The following HNRNPAB variants were observed in gnomAD, a reference collection of about 807,000 sequenced individuals.
HNRNPAB encodes heterogeneous nuclear ribonucleoprotein A/B.
HNRNPAB carries 17 observed loss-of-function variants against 44.1 expected under a neutral mutation model. The ratio of observed to expected loss-of-function variants is 0.39; its 90% CI spans 0.26 to 0.58. The LOEUF (loss-of-function observed/expected upper bound fraction) is 0.58. Ranked by LOEUF, HNRNPAB falls within the 20% of genes least tolerant of loss-of-function variation. HNRNPAB has a pLI of 0.63. For synonymous variants in HNRNPAB, 183 were observed against 167.6 expected (o/e 1.09, Z -0.71); for missense variants, 393 against 432.7 (o/e 0.91, Z 0.81).
intron 1 of HNRNPAB, 32 bp from the exon 2 acceptor site, chr5:178,204,782 GC>G (rs1561659767): frequency 1.8e-6 from 2 of 1,135,150 alleles, no homozygotes; most frequent in East Asian, 7.2e-5. Context: ...CGGGAGCCGC[GC>G]CGGCCTGACG....
rs765862424 is a variant in HNRNPAB, at chr5:178,204,803, C to T, written c.-23-12C>T. The T allele has an allele frequency of 3.3e-5, 40 of 1,198,742 alleles. No individual in the cohort carries two copies. In the South Asian group the frequency reaches 1.1e-3, roughly 34 times the overall value. The allele number at this position is 1,198,742 out of a possible 1,614,324, so 74.3% of individuals were successfully genotyped here. A position where few individuals can be genotyped will look rare whatever the true frequency, so the allele number is the denominator to read the frequency against. On this transcript the variant is annotated splice_polypyrimidine_tract_variant and intron_variant, in intron 1 of 7. Transcript: ENST00000358344. Reference sequence around the variant, plus strand: ...CCGCGCCGGCCTGACGCGCTGTCGCCGCTGGTTGCAGGAGCCGCCGCGCCT... The same window carrying T: ...CCGCGCCGGCCTGACGCGCTGTCGCTGCTGGTTGCAGGAGCCGCCGCGCCT...
At chr5:178,206,053 T>C (rs1459825226) in intron 3 of HNRNPAB, 43 bp downstream of exon 3, 2 of 1,562,160 alleles carry the variant, frequency 1.3e-6, no homozygotes, top group Admixed American at 3.6e-5. Flanking sequence ...TGGAAACGAT[T>C]TGAATTCTAA....
chr5:178,206,370 T>C (rs1206784331), intron 3 of HNRNPAB, among the ~76,000 whole-genome samples: 1 of 152,070 alleles, frequency 6.6e-6, no homozygotes, highest in Non-Finnish European at 1.5e-5. Flanking sequence ...GGCTCAGAAA[T>C]GTAAGTAGAA....
rs1244398799 is a variant in HNRNPAB, at chr5:178,206,722, G to C, written c.379-10G>C. The stretch of plus-strand genomic sequence containing the variant: ...TGCTGAGTCAGCCTGACCCCTTTCT[G>C]TTGGAACAGGTCCTAGACCAGAAGG... On this transcript the variant is annotated splice_polypyrimidine_tract_variant and intron_variant, in intron 3 of 7. Transcript: ENST00000358344. The C allele has an allele frequency of 8.7e-6, 14 of 1,612,948 alleles. No individual in the cohort carries two copies. The highest frequency in any genetic ancestry group is 1.2e-5 in the Non-Finnish European group (14 of 1,179,832).
At chr5:178,209,198 C>T (rs1059367) in intron 5 of HNRNPAB, 132 bp from the exon 6 acceptor site, 65,015 of 769,288 alleles carry the variant, frequency 0.085, 3,363 homozygotes, top group East Asian at 0.16. Flanking sequence ...GGTGGCCTCC[C>T]ATACTAGCAT....
rs1369492425 is a variant in HNRNPAB, at chr5:178,206,741, CAGA to C, written c.391_393del (p.Lys131del). On this transcript the variant is annotated inframe_deletion, in exon 4 of 8. Transcript: ENST00000358344. ...CTTTCTGTTGGAACAGGTCCTAGAC[CAGA>C]AGGAGCACAGGCTGGATGGCCGTGT... The C allele has an allele frequency of 5.0e-6, 8 of 1,613,728 alleles. No homozygotes were observed. The highest frequency in any genetic ancestry group is 5.1e-6 in the Non-Finnish European group (6 of 1,179,990).
chr5:178,205,591 C>A, intron 2 of HNRNPAB: 1 of 450,160 alleles, frequency 2.2e-6, no homozygotes, highest in South Asian at 3.3e-5. Flanking sequence ...TGGTTAGGTC[C>A]CATACCCCTG....
At chr5:178,209,183 C>T in intron 5 of HNRNPAB, 147 bp from the exon 6 acceptor site, 5 of 709,900 alleles carry the variant, frequency 7.0e-6, no homozygotes, top group South Asian at 1.7e-5. Context: ...GAGCTTTAGC[C>T]CAAAGGTGGC....
intron 2 of HNRNPAB, 108 bp downstream of exon 2, chr5:178,205,154 G>C (rs1387464048): frequency 1.3e-6 from 1 of 786,864 alleles, no homozygotes; most frequent in African/African-American, 1.8e-5. Context: ...GGTCGGGGCT[G>C]GTGCGGCCCG....
intron 6 of HNRNPAB, 73 bp from the exon 7 acceptor site, chr5:178,210,059 C>A (rs527949228): frequency 1.9e-6 from 3 of 1,579,590 alleles, no homozygotes; most frequent in Admixed American, 1.9e-5. Flanking sequence ...CCCCAAAGGG[C>A]AGGATTTCCT....
chr5:178,210,104 G>A lies in HNRNPAB; in HGVS notation c.788-28G>A, dbSNP rs747544038. On this transcript the variant is annotated intron_variant, in intron 6 of 7. Coordinates refer to ENST00000358344, the MANE Select transcript of HNRNPAB (RefSeq NM_031266.3). ...CTCCTGCGTATGCTAAATGGTCCACGGGCCCCTGTGCCCTGCTCCCCCCAC... is the reference window on the plus strand; with the variant it reads ...CTCCTGCGTATGCTAAATGGTCCACAGGCCCCTGTGCCCTGCTCCCCCCAC... 4.3e-6 allele frequency: 7 copies of A among 1,611,472 alleles called. 1 individual carries two copies. Among genetic ancestry groups the A allele is most frequent in the South Asian group, 3.3e-5 (3 of 90,918 alleles).
At chr5:178,210,496 C>G (rs553267977) in intron 7 of HNRNPAB, 57 bp from the exon 8 acceptor site, 3 of 1,552,848 alleles carry the variant, frequency 1.9e-6, no homozygotes, top group African/African-American at 2.7e-5. Context: ...ATATCAAGCG[C>G]GTGGCACAGG....
intron 2 of HNRNPAB, 128 bp from the exon 3 acceptor site, chr5:178,205,714 C>T: frequency 3.7e-6 from 3 of 810,194 alleles, no homozygotes; most frequent in Non-Finnish European, 3.9e-6. Context: ...TAACATCTTT[C>T]TAAGGTGCTC....
chr5:178,205,421 C>G (rs113140855), intron 2 of HNRNPAB: 9,575 of 156,390 alleles, frequency 0.061, 422 homozygotes, highest in Non-Finnish European at 0.086. Flanking sequence ...GGGCCCGGAC[C>G]TCCCTCCTCC....
Position 178,210,738 on chromosome 5 carries a change from T to G in HNRNPAB, c.*115T>G. On this transcript the variant is annotated 3_prime_UTR_variant, in exon 8 of 8. Transcript: ENST00000358344. ...CTTTCTATTGCCTGTCCCATGTGCA[T>G]CTTATTTAAAATTTCCCCCATGGAA... 1.3e-6 allele frequency: 1 copy of G among 789,880 alleles called. No individual in the cohort carries two copies. 48.9% of individuals were successfully genotyped at this position (789,880 alleles called of 1,614,324 possible). A position where few individuals can be genotyped will look rare whatever the true frequency, so the allele number is the denominator to read the frequency against.
At position 178,210,819 on chromosome 5, in the gene HNRNPAB, T is replaced by C. The variant is rs781650816; in HGVS notation, c.*196T>C. On this transcript the variant is annotated 3_prime_UTR_variant, in exon 8 of 8. Transcript: ENST00000358344. Reference sequence around the variant, plus strand: ...CTAGGTGTTTAGGCAGCGTGTGGTGTCTGAGAGGCCATAGCGCCATCATGG... The same window carrying C: ...CTAGGTGTTTAGGCAGCGTGTGGTGCCTGAGAGGCCATAGCGCCATCATGG... 1.7e-6 allele frequency: 1 copy of C among 603,764 alleles called. No homozygotes were observed. Among genetic ancestry groups the C allele is most frequent in the Non-Finnish European group, 3.0e-6 (1 of 336,458 alleles). 37.4% of individuals were successfully genotyped at this position (603,764 alleles called of 1,614,324 possible). A position where few individuals can be genotyped will look rare whatever the true frequency, so the allele number is the denominator to read the frequency against.
In HNRNPAB at chr5:178,205,084, G is replaced by T. The variant is rs1756986598; in HGVS notation, c.209+38G>T. 3.4e-6 allele frequency: 4 copies of T among 1,187,910 alleles called. 1 individual carries two copies. The South Asian group carries it at 1.3e-4, about 37-fold the overall frequency. The allele number at this position is 1,187,910 out of a possible 1,614,324, so 73.6% of individuals were successfully genotyped here. ...GCGGGCGGACGGGGGCGCCGCCTTTGTTCCGGGGCCGCCTTTTGTTGGCGC... is the reference window on the plus strand; with the variant it reads ...GCGGGCGGACGGGGGCGCCGCCTTTTTTCCGGGGCCGCCTTTTGTTGGCGC... On this transcript the variant is annotated intron_variant, in intron 2 of 7. Coordinates refer to ENST00000358344, the MANE Select transcript of HNRNPAB (RefSeq NM_031266.3).
At position 178,209,402 on chromosome 5, in the gene HNRNPAB, CGCAACCGAG is replaced by C. The variant is rs772182189; in HGVS notation, c.744_752del (p.Asn252_Gly254del). The C allele has an allele frequency of 6.2e-7, 1 of 1,614,118 alleles. No homozygotes were observed. Among genetic ancestry groups the C allele is most frequent in the Admixed American group, 1.7e-5 (1 of 60,020 alleles). ...GTATGGCTCTGGGGGCCGTGGAAAC[CGCAACCGAG>C]GGAACCGAGGCAGCGGAGGTGGTGG... is the stretch of plus-strand genomic sequence containing the variant. On this transcript the variant is annotated inframe_deletion, in exon 6 of 8. Coordinates refer to ENST00000358344, the MANE Select transcript of HNRNPAB (RefSeq NM_031266.3).
Position 178,204,853 on chromosome 5 carries a change from G to A in HNRNPAB, c.16G>A (p.Glu6Lys). MSEAG[E>K]EQPMETTGAT... ...TCGGCCTAGCATGTCGGAAGCGGGC[G>A]AGGAGCAGCCCATGGAGACGACGGG... Residue 6 changes from glutamate to lysine, a missense_variant, in exon 2 of 8, where the codon GAG (glutamate) becomes AAG (lysine). Transcript: ENST00000358344. 1 of 1,219,400 alleles carries A rather than the reference G, an allele frequency of 8.2e-7. No individual in the cohort carries two copies. The highest frequency in any genetic ancestry group is 1.0e-6 in the Non-Finnish European group (1 of 980,370). 75.5% of individuals were successfully genotyped at this position (1,219,400 alleles called of 1,614,324 possible).
Sources: gnomAD v4.1 joint callset for allele counts (sites outside exome capture counted in the v4.1 genomes callset) on GRCh38, gnomAD v4.1.1 for gene constraint, MANE v1.5 for transcripts, NCBI Gene and HGNC (gene_info 2026-07-23, HGNC 2026-07-21) for gene names.